VMP1: variants seen among roughly 807,000 people sequenced by gnomAD.
VMP1 encodes vacuole membrane protein 1, also known as ectopic P-granules autophagy protein 3 homolog.
In VMP1, 11 loss-of-function variants were observed where a neutral mutation model predicts 56.0. The observed-to-expected ratio is 0.20, with a 90% CI of 0.12 to 0.32. The LOEUF (loss-of-function observed/expected upper bound fraction) is 0.32, where lower values mean the gene tolerates loss of function less well. Ranked by LOEUF, VMP1 falls within the 10% of genes least tolerant of loss-of-function variation. The probability of loss-of-function intolerance (pLI) is 1.00; values close to 1 mark genes in which losing one functional copy is unlikely to be tolerated. For missense variants in VMP1, 296 were observed against 490.3 expected, an observed-to-expected ratio of 0.60 and a Z score of 3.74; for synonymous variants, 149 against 165.0, an observed-to-expected ratio of 0.90 and a Z score of 0.74.
chr17:59,819,935 C>G (rs2038381538), intron 10 of VMP1, among the ~76,000 whole-genome samples: 2 of 152,166 alleles, frequency 1.3e-5, no homozygotes, highest in African/African-American at 4.8e-5. Flanking sequence ...TTCTGTTTCC[C>G]CAGCCTTTGG....
intron 3 of VMP1, among the ~76,000 whole-genome samples, chr17:59,736,359 T>C (rs1469332130): frequency 1.3e-5 from 2 of 148,332 alleles, no homozygotes; most frequent in Non-Finnish European, 3.0e-5. Context: ...ACCGAGATCA[T>C]GCCACTGCAC....
chr17:59,763,748 CACTT>C (rs1238194073), intron 5 of VMP1, among the ~76,000 whole-genome samples: 1 of 152,086 alleles, frequency 6.6e-6, no homozygotes, highest in Non-Finnish European at 1.5e-5. Flanking sequence ...ACACAGAGCC[CACTT>C]ACTTTTCTGT....
chr17:59,769,472 T>C (rs190348827), intron 6 of VMP1, among the ~76,000 whole-genome samples: 1 of 152,314 alleles, frequency 6.6e-6, no homozygotes, highest in East Asian at 1.9e-4. Flanking sequence ...ACAAAATGTT[T>C]TTTCCCTACC....
intron 10 of VMP1, among the ~76,000 whole-genome samples, chr17:59,828,014 A>G (rs757001748): frequency 1.3e-5 from 2 of 150,888 alleles, no homozygotes; most frequent in East Asian, 3.9e-4. Flanking sequence ...GGCAAGAGAC[A>G]CAACCTCTTT....
intron 6 of VMP1, among the ~76,000 whole-genome samples, chr17:59,768,638 G>C (rs1037420196): frequency 2.6e-4 from 39 of 151,682 alleles, no homozygotes; most frequent in African/African-American, 7.5e-4. Flanking sequence ...TGTAAAAACT[G>C]AATATCCACA....
chr17:59,787,757 G>T (rs112753825), intron 7 of VMP1, among the ~76,000 whole-genome samples: 7,122 of 152,062 alleles, frequency 0.047, 548 homozygotes, highest in African/African-American at 0.16. Context: ...GGAGGCAGAG[G>T]ATGCAGTGAG....
intron 10 of VMP1, among the ~76,000 whole-genome samples, 189 bp downstream of exon 10, chr17:59,817,962 TA>T (rs1466026099): frequency 6.6e-6 from 1 of 152,142 alleles, no homozygotes; most frequent in African/African-American, 2.4e-5. Context: ...AAGCTTACAT[TA>T]TCCCTGTTTA....
chr17:59,791,480 C>T (rs1220371835), intron 7 of VMP1, among the ~76,000 whole-genome samples: 5 of 149,780 alleles, frequency 3.3e-5, no homozygotes, highest in Admixed American at 6.7e-5. Flanking sequence ...CGTGAGCCAC[C>T]GTGCCCGGCT....
intron 5 of VMP1, among the ~76,000 whole-genome samples, chr17:59,757,204 A>C (rs776591407): frequency 1.3e-5 from 2 of 151,936 alleles, no homozygotes; most frequent in Non-Finnish European, 2.9e-5. Context: ...TTATCAGAAA[A>C]CTACTTAAAA....
intron 1 of VMP1, among the ~76,000 whole-genome samples, chr17:59,715,666 A>G (rs1180199214): frequency 6.6e-6 from 1 of 152,224 alleles, no homozygotes; most frequent in East Asian, 1.9e-4. Flanking sequence ...CTAATCATTT[A>G]TTTAGGCTCT....
intron 11 of VMP1, 43 bp from the exon 12 acceptor site, chr17:59,839,725 A>G: frequency 1.3e-6 from 2 of 1,577,738 alleles, no homozygotes; most frequent in Non-Finnish European, 1.7e-6. Context: ...TACTGAACTA[A>G]TGAAGCCTTT....
intron 7 of VMP1, among the ~76,000 whole-genome samples, chr17:59,774,564 C>G (rs1026785535): frequency 3.3e-5 from 5 of 152,178 alleles, no homozygotes; most frequent in African/African-American, 9.7e-5. Context: ...TGAATTATAT[C>G]AAATTCTTAA....
At chr17:59,766,742 G>A (rs1194822259) in intron 6 of VMP1, among the ~76,000 whole-genome samples, 2 of 151,542 alleles carry the variant, frequency 1.3e-5, no homozygotes, top group Non-Finnish European at 1.5e-5. Context: ...GTGGCAGATG[G>A]ATTCTAATCC....
At chr17:59,777,313 A>G (rs1217380003) in intron 7 of VMP1, among the ~76,000 whole-genome samples, 2 of 152,170 alleles carry the variant, frequency 1.3e-5, no homozygotes, top group Non-Finnish European at 2.9e-5. Flanking sequence ...TTCATTCACA[A>G]TTAATTAACT....
intron 5 of VMP1, among the ~76,000 whole-genome samples, chr17:59,743,377 C>A (rs1263378998): frequency 6.6e-6 from 1 of 152,030 alleles, no homozygotes. Context: ...TCTGACCGAC[C>A]TCTTTCACTT....
At chr17:59,810,123 C>CT (rs1349351443) in intron 8 of VMP1, among the ~76,000 whole-genome samples, 9 of 152,104 alleles carry the variant, frequency 5.9e-5, no homozygotes, top group Non-Finnish European at 8.8e-5. Context: ...CAGGGCTACT[C>CT]TGATTTACGT....
intron 9 of VMP1, 117 bp downstream of exon 9, chr17:59,811,903 T>C: frequency 1.4e-6 from 1 of 736,968 alleles, no homozygotes; most frequent in South Asian, 1.8e-5. Flanking sequence ...GGTTGGTAGC[T>C]TACTTAGGTA....
intron 6 of VMP1, among the ~76,000 whole-genome samples, chr17:59,765,416 T>G (rs1343038500): frequency 6.6e-6 from 1 of 152,196 alleles, no homozygotes; most frequent in Non-Finnish European, 1.5e-5. Context: ...CAGTTGAGCC[T>G]TGAACCATGT....
chr17:59,745,364 G>A (rs1410497154), intron 5 of VMP1, among the ~76,000 whole-genome samples: 1 of 152,172 alleles, frequency 6.6e-6, no homozygotes, highest in Non-Finnish European at 1.5e-5. Flanking sequence ...TGTGACAAGT[G>A]TAAAAATTTT....
Sources: allele counts gnomAD v4.1 joint callset (sites outside exome capture counted in the v4.1 genomes callset), GRCh38; gene constraint gnomAD v4.1.1; transcripts MANE v1.5; gene names NCBI Gene and HGNC (gene_info 2026-07-23, HGNC 2026-07-21).